NRXN3: variants seen among roughly 807,000 people sequenced by gnomAD.
The protein encoded by NRXN3 is neurexin III.
NRXN3 carries 32 observed loss-of-function variants against 137.6 expected under a neutral mutation model. The ratio of observed to expected loss-of-function variants is 0.23; its 90% confidence interval spans 0.18 to 0.31. NRXN3 has a LOEUF of 0.31. Among genes scored for constraint, NRXN3 ranks in the 10% least tolerant of loss-of-function variants. The pLI is 1.00. For missense variants in NRXN3, 1,574 were observed against 2,062.5 expected (o/e 0.76, Z 4.59); for synonymous variants, 798 against 784.5 (o/e 1.02, Z -0.29).
intron 14 of NRXN3, among the ~76,000 whole-genome samples, chr14:78,971,432 A>G (rs1227269373): frequency 6.7e-6 from 1 of 148,602 alleles, no homozygotes; most frequent in Admixed American, 6.7e-5. Flanking sequence ...AAACATATAT[A>G]TATATATATA....
At chr14:79,256,130 T>TTC (rs369056834) in intron 15 of NRXN3, among the ~76,000 whole-genome samples, 5 of 150,694 alleles carry the variant, frequency 3.3e-5, no homozygotes, top group Non-Finnish European at 5.9e-5. Context: ...CTGTGTGTCT[T>TTC]TCTCTCTCTC....
At chr14:79,732,186 G>A (rs2098926406) in intron 19 of NRXN3, among the ~76,000 whole-genome samples, 1 of 151,922 alleles carries the variant, frequency 6.6e-6, no homozygotes, top group African/African-American at 2.4e-5. Flanking sequence ...TTCTCTCTCA[G>A]CCTCTCTGTT....
chr14:78,340,607 C>A (rs1005620882), intron 4 of NRXN3, among the ~76,000 whole-genome samples: 9 of 152,134 alleles, frequency 5.9e-5, no homozygotes, highest in Non-Finnish European at 1.0e-4. Flanking sequence ...GGCTTCTCGT[C>A]TTCCAGGGTC....
chr14:78,205,165 G>A (rs562301974), intron 1 of NRXN3, among the ~76,000 whole-genome samples: 2 of 152,346 alleles, frequency 1.3e-5, no homozygotes, highest in East Asian at 3.9e-4. Flanking sequence ...AAGGGCTGGG[G>A]ATGCCAGAGG....
At chr14:78,255,921 G>A (rs767116258) in intron 2 of NRXN3, among the ~76,000 whole-genome samples, 3 of 152,154 alleles carry the variant, frequency 2.0e-5, no homozygotes, top group Non-Finnish European at 4.4e-5. Context: ...AATCAATGAA[G>A]TCAGGTCCAA....
At chr14:78,493,861 A>C (rs2095715251) in intron 4 of NRXN3, among the ~76,000 whole-genome samples, 1 of 152,228 alleles carries the variant, frequency 6.6e-6, no homozygotes, top group African/African-American at 2.4e-5. Flanking sequence ...AACCTACTTA[A>C]GGTCCAGATT....
intron 15 of NRXN3, among the ~76,000 whole-genome samples, chr14:78,991,099 G>A (rs2099517884): frequency 6.6e-6 from 1 of 152,190 alleles, no homozygotes; most frequent in African/African-American, 2.4e-5. Flanking sequence ...ATAGGCTCAT[G>A]CTTATCATCA....
intron 15 of NRXN3, among the ~76,000 whole-genome samples, chr14:79,283,386 G>C (rs2081616159): frequency 6.6e-6 from 1 of 152,132 alleles, no homozygotes; most frequent in Admixed American, 6.6e-5. Flanking sequence ...CTGTTCATCA[G>C]TTGGTGCTCC....
At chr14:78,197,831 C>G (rs2061359944) in intron 1 of NRXN3, among the ~76,000 whole-genome samples, 1 of 152,190 alleles carries the variant, frequency 6.6e-6, no homozygotes, top group Non-Finnish European at 1.5e-5. Context: ...TCTAAAACAC[C>G]TCCAGTCCAT....
intron 15 of NRXN3, among the ~76,000 whole-genome samples, chr14:79,103,955 CAT>C (rs1204209095): frequency 6.6e-6 from 1 of 152,110 alleles, no homozygotes; most frequent in African/African-American, 2.4e-5. Context: ...GACACATGTT[CAT>C]ATGTGTACAC....
chr14:79,755,954 C>T (rs1048280692), intron 19 of NRXN3, among the ~76,000 whole-genome samples: 3 of 152,090 alleles, frequency 2.0e-5, no homozygotes, highest in Non-Finnish European at 4.4e-5. Context: ...AATGGTCAGT[C>T]CCCACTCTTA....
rs187549750 is a variant in NRXN3 at position 78,352,211 on chromosome 14, G to C, written c.757+54351G>C. On this transcript the variant is annotated intron_variant, in intron 4 of 20. Coordinates refer to ENST00000335750, the MANE Select transcript of NRXN3 (RefSeq NM_001330195.2). ...GAATATATTTTTGTGTGTGGTGCAA[G>C]AAGTAGGGAATATGATTCTCTTATT... Among the ~76,000 whole-genome samples, 13 of 152,218 alleles carry C rather than the reference G, an allele frequency of 8.5e-5. No individual in the cohort carries two copies. In the East Asian group the frequency reaches 2.3e-3, roughly 27 times the overall value.
At chr14:78,580,982 G>A (rs1410099598) in intron 4 of NRXN3, among the ~76,000 whole-genome samples, 1 of 152,162 alleles carries the variant, frequency 6.6e-6, no homozygotes, top group Admixed American at 6.5e-5. Flanking sequence ...ACGAACACAA[G>A]AATCATGGCT....
Position 78,822,194 on chromosome 14 carries a change from A to T in NRXN3, c.2275+11850A>T, listed in dbSNP as rs1040349089. On this transcript the variant is annotated intron_variant, in intron 10 of 20. Transcript: ENST00000335750. ...CAAGGATATTTACAATAAACATTTG[A>T]CAGTCTTTGCTATTGCTATATGAAG... 5.3e-5 allele frequency among the ~76,000 whole-genome samples: 8 copies of T among 152,182 alleles called. No individual in the cohort carries two copies. The East Asian group carries it at 1.5e-3, about 29-fold the overall frequency.
chr14:78,594,273 C>G (rs1042626410), intron 4 of NRXN3, among the ~76,000 whole-genome samples: 1 of 152,102 alleles, frequency 6.6e-6, no homozygotes, highest in Admixed American at 6.5e-5. Flanking sequence ...GACAAGGCGC[C>G]GAGGGGTGCT....
chr14:78,388,196 A>T (rs2090250485), intron 4 of NRXN3, among the ~76,000 whole-genome samples: 1 of 152,200 alleles, frequency 6.6e-6, no homozygotes, highest in Non-Finnish European at 1.5e-5. Flanking sequence ...TGTGCCTGAA[A>T]TCACCTAGAG....
chr14:79,441,449 G>A, intron 15 of NRXN3, among the ~76,000 whole-genome samples: 1 of 126,666 alleles, frequency 7.9e-6, no homozygotes, highest in Admixed American at 1.0e-4. Context: ...GTGCGATCTT[G>A]GCTCACTGCA....
In NRXN3 at chr14:79,486,960, T is replaced by TCTCTCTCC. The variant is rs1365006345; in HGVS notation, c.3444+19559_3444+19560insTCTCTCCC. Among the ~76,000 whole-genome samples, 339 of 112,058 alleles carry TCTCTCTCC rather than the reference T, an allele frequency of 3.0e-3. 11 individuals carry two copies. The highest frequency in any genetic ancestry group is 0.011 in the African/African-American group (319 of 28,528). 73.5% of individuals were successfully genotyped at this position (112,058 alleles called of 152,430 possible). ...CTCTCTCTCTCTCTCTCTCTCTCTC[T>TCTCTCTCC]CCCACACACACACACCCCAAGATAA... On this transcript the variant is annotated intron_variant, in intron 16 of 20. Transcript: ENST00000335750.
rs1009882585 is a variant in NRXN3 at position 78,743,972 on chromosome 14, A to G, written c.2044+28833A>G. On this transcript the variant is annotated intron_variant, in intron 8 of 20. Transcript: ENST00000335750. ...TCAAAGAGAACACTCCATTGTGGAC[A>G]ATAAAATCCTGGTTGTTTAGGTCTA... Among the ~76,000 whole-genome samples the G allele has an allele frequency of 2.0e-5, 3 of 152,358 alleles. No individual in the cohort carries two copies. In the South Asian group the frequency reaches 6.2e-4, roughly 32 times the overall value.
Sources: gnomAD v4.1 joint callset for allele counts (sites outside exome capture counted in the v4.1 genomes callset) on GRCh38, gnomAD v4.1.1 for gene constraint, MANE v1.5 for transcripts, NCBI Gene and HGNC (gene_info 2026-07-23, HGNC 2026-07-21) for gene names.